Variants in ZSCAN5A observed in about 807,000 individuals in gnomAD.
ZSCAN5A encodes the protein zinc finger and SCAN domain-containing protein 5A.
Under a neutral mutation model 23.7 loss-of-function variants are expected in ZSCAN5A, and 12 were observed. The observed-to-expected ratio is 0.51, with a 90% CI of 0.32 to 0.82. ZSCAN5A has a LOEUF of 0.82. Among genes scored for constraint, ZSCAN5A ranks in the 40% least tolerant of loss-of-function variants. The pLI, the probability that ZSCAN5A is intolerant of heterozygous loss-of-function variation, is 0.03. For missense variants in ZSCAN5A, 597 were observed against 617.9 expected, an observed-to-expected ratio of 0.97 and a Z score of 0.36; for synonymous variants, 257 against 239.9, an observed-to-expected ratio of 1.07 and a Z score of -0.66.
At chr19:56,315,004 A>T (rs147559421), upstream of ZSCAN5A, 1 of 152,158 alleles carries the variant, frequency 6.6e-6, no homozygotes, top group East Asian at 1.9e-4. Context: ...AAAGCATCTA[A>T]CAAGCGTTTC....
At chr19:56,284,996 A>G (rs1280434199) in intron 2 of ZSCAN5A, 4 of 985,210 alleles carry the variant, frequency 4.1e-6, no homozygotes, top group Non-Finnish European at 4.8e-6. Flanking sequence ...CTTCTTCCTC[A>G]GGTCTCATGA....
intron 2 of ZSCAN5A, among the ~76,000 whole-genome samples, chr19:56,227,921 T>G (rs1482629428): frequency 6.6e-6 from 1 of 151,616 alleles, no homozygotes; most frequent in Non-Finnish European, 1.5e-5. Context: ...ATCCAGTCGT[T>G]GTGGCATATG....
chr19:56,332,036 G>T (rs2041494711), intron 2 of ZSCAN5A, among the ~76,000 whole-genome samples: 1 of 152,042 alleles, frequency 6.6e-6, no homozygotes, highest in Admixed American at 6.6e-5. Flanking sequence ...TGGTCCAAGG[G>T]TATGGCTGCC....
rs548211567 is a variant in ZSCAN5A, at chr19:56,359,016, C to T, written c.-358+4219G>A. Among the ~76,000 whole-genome samples, 9 of 151,690 alleles carry T rather than the reference C, an allele frequency of 5.9e-5. No individual in the cohort carries two copies. The South Asian group carries it at 1.9e-3, about 32-fold the overall frequency. On this transcript the variant is annotated intron_variant, in intron 2 of 6. Transcript: ENST00000587340. ...ACCCTAACATCACAACTAAAAGTAC[C>T]AGAGAACCAAGAGCAAATAAATTTC...
At chr19:56,270,775 G>C (rs1272668666) in intron 2 of ZSCAN5A, among the ~76,000 whole-genome samples, 5 of 152,052 alleles carry the variant, frequency 3.3e-5, no homozygotes, top group African/African-American at 1.2e-4. Context: ...GTGTGGGGTG[G>C]GTGGGGCAGG....
intron 2 of ZSCAN5A, among the ~76,000 whole-genome samples, chr19:56,279,462 T>C (rs2038517315): frequency 6.6e-6 from 1 of 152,200 alleles, no homozygotes; most frequent in South Asian, 2.1e-4. Context: ...ATGCTATTAT[T>C]TCAGGTTGAA....
At chr19:56,273,226 G>C (rs1422108742) in intron 2 of ZSCAN5A, among the ~76,000 whole-genome samples, 1 of 152,210 alleles carries the variant, frequency 6.6e-6, no homozygotes, top group East Asian at 1.9e-4. Context: ...AGAATCCCCA[G>C]TTCATGGGAC....
intron 5 of ZSCAN5A, 38 bp from the exon 6 acceptor site, chr19:56,222,364 G>T: frequency 6.3e-7 from 1 of 1,599,364 alleles, no homozygotes. Context: ...TTAATAAAGC[G>T]CATTTTCAAT....
At chr19:56,332,260 G>A (rs1327157949) in intron 2 of ZSCAN5A, among the ~76,000 whole-genome samples, 1 of 152,022 alleles carries the variant, frequency 6.6e-6, no homozygotes, top group East Asian at 1.9e-4. Flanking sequence ...CTGTCAGTGG[G>A]GTGTTGAAGT....
chr19:56,265,386 GT>G (rs2146900410), intron 2 of ZSCAN5A, among the ~76,000 whole-genome samples: 1 of 149,308 alleles, frequency 6.7e-6, no homozygotes, highest in East Asian at 2.0e-4. Context: ...TATGTAAGTG[GT>G]TAAAGCTGTA....
At chr19:56,229,780 GT>G (rs1407329739) in intron 2 of ZSCAN5A, among the ~76,000 whole-genome samples, 1 of 151,806 alleles carries the variant, frequency 6.6e-6, no homozygotes, top group Non-Finnish European at 1.5e-5. Context: ...GCACTTAATA[GT>G]TTTTCTTGTG....
At chr19:56,277,059 C>T (rs946162050) in intron 2 of ZSCAN5A, among the ~76,000 whole-genome samples, 2 of 152,094 alleles carry the variant, frequency 1.3e-5, no homozygotes, top group African/African-American at 2.4e-5. Context: ...CACTAACTAA[C>T]GTGGAGAAAT....
intron 2 of ZSCAN5A, among the ~76,000 whole-genome samples, chr19:56,240,480 G>A (rs559503272): frequency 7.3e-4 from 111 of 152,244 alleles, no homozygotes; most frequent in Non-Finnish European, 1.3e-3. Flanking sequence ...TCAGCTCCAG[G>A]CCAGTTGGAG....
chr19:56,302,613 C>CTCT (rs2040403939), intron 2 of ZSCAN5A, among the ~76,000 whole-genome samples: 1 of 112,516 alleles, frequency 8.9e-6, no homozygotes, highest in African/African-American at 3.4e-5. Context: ...CTTCCTCTCC[C>CTCT]TCTTCCTCCC....
In ZSCAN5A at chr19:56,294,099, A is replaced by G. The variant is rs1030031853; in HGVS notation, c.-128+19184T>C. ...TGACAGCACTTTGCAAACTGAAAGC[A>G]GACCCAGCAGGAAAATCCCAAACAC... On this transcript the variant is annotated intron_variant, in intron 2 of 5. Transcript: ENST00000683990. Among the ~76,000 whole-genome samples, 3 of 152,208 alleles carry G rather than the reference A, an allele frequency of 2.0e-5. No individual in the cohort carries two copies. In the South Asian group the frequency reaches 6.2e-4, roughly 31 times the overall value.
chr19:56,349,704 CAAAAAAA>C (rs3059533), intron 2 of ZSCAN5A, among the ~76,000 whole-genome samples: 10 of 30,940 alleles, frequency 3.2e-4, no homozygotes, highest in Admixed American at 9.6e-4. Context: ...AACTCCGTCT[CAAAAAAA>C]AAAAAAAAAA....
intron 2 of ZSCAN5A, chr19:56,354,389 G>C (rs1196702793): frequency 2.6e-5 from 4 of 152,174 alleles, no homozygotes; most frequent in African/African-American, 9.6e-5. Context: ...GAAAGGAACA[G>C]AGTACCTCTA....
At chr19:56,240,029 G>GCA (rs2035298355) in intron 2 of ZSCAN5A, among the ~76,000 whole-genome samples, 1 of 152,086 alleles carries the variant, frequency 6.6e-6, no homozygotes, top group Non-Finnish European at 1.5e-5. Context: ...AGGCGTGGTG[G>GCA]CGGGCACCTG....
At chr19:56,346,297 A>T (rs1481190678) in intron 2 of ZSCAN5A, among the ~76,000 whole-genome samples, 3 of 152,226 alleles carry the variant, frequency 2.0e-5, no homozygotes, top group Admixed American at 1.3e-4. Flanking sequence ...CTCTGATGGT[A>T]ACAAGAAATG....
Sources: gnomAD v4.1 joint callset for allele counts (sites outside exome capture counted in the v4.1 genomes callset) on GRCh38, gnomAD v4.1.1 for gene constraint, MANE v1.5 for transcripts, NCBI Gene and HGNC (gene_info 2026-07-23, HGNC 2026-07-21) for gene names.